The following ZBBX variants were observed in gnomAD, a reference collection of about 807,000 sequenced individuals.
ZBBX encodes zinc finger B-box domain containing.
A neutral mutation model predicts 108.5 loss-of-function variants in ZBBX; 101 were observed. The observed-to-expected ratio is 0.93, with a 90% CI of 0.79 to 1.10. ZBBX has a LOEUF of 1.10. ZBBX is among the 50% of genes least tolerant of loss of function. The pLI is 0.00. For missense variants in ZBBX, 1,009 were observed against 941.4 expected (o/e 1.07, Z -0.94); for synonymous variants, 356 against 323.4 (o/e 1.10, Z -1.08).
At chr3:167,406,608 T>C (rs898018432) in intron 1 of ZBBX, among the ~76,000 whole-genome samples, 3 of 152,174 alleles carry the variant, frequency 2.0e-5, no homozygotes, top group African/African-American at 7.2e-5. Context: ...AATAAATAAA[T>C]AGATAAAAGT....
At chr3:167,236,574 G>A (rs1390177752), downstream of ZBBX, among the ~76,000 whole-genome samples, 1 of 151,720 alleles carries the variant, frequency 6.6e-6, no homozygotes, top group Non-Finnish European at 1.5e-5. Context: ...CAGTTAGTAA[G>A]TAGTGTAATC....
the ZBBX span, among the ~76,000 whole-genome samples, chr3:167,185,925 G>A: frequency 6.6e-6 from 1 of 151,990 alleles, no homozygotes; most frequent in Non-Finnish European, 1.5e-5. Flanking sequence ...GCATTATAAA[G>A]AAGACTCCAT....
At chr3:167,200,797 A>G in the ZBBX span, among the ~76,000 whole-genome samples, 196 of 152,306 alleles carry the variant, frequency 1.3e-3, 1 homozygote, top group African/African-American at 4.5e-3. Context: ...TGTGAGGTAG[A>G]CAAAGTATGT....
At chr3:167,248,220 C>T (rs1278534729) in intron 20 of ZBBX, among the ~76,000 whole-genome samples, 1 of 152,138 alleles carries the variant, frequency 6.6e-6, no homozygotes, top group Non-Finnish European at 1.5e-5. Context: ...CCAACAGCCA[C>T]GAGTGGGTAT....
intron 20 of ZBBX, among the ~76,000 whole-genome samples, chr3:167,276,295 G>T (rs941570998): frequency 6.6e-6 from 1 of 151,472 alleles, no homozygotes; most frequent in African/African-American, 2.4e-5. Flanking sequence ...ATTACTCCGC[G>T]CTACGGGAGA....
the ZBBX span, among the ~76,000 whole-genome samples, chr3:167,195,983 C>T: frequency 6.6e-6 from 1 of 152,160 alleles, no homozygotes; most frequent in African/African-American, 2.4e-5. Context: ...TGGGGTATAT[C>T]TGAAATCAGT....
chr3:167,307,876 G>A (rs1195523285), intron 16 of ZBBX, among the ~76,000 whole-genome samples: 1 of 152,042 alleles, frequency 6.6e-6, no homozygotes, highest in Non-Finnish European at 1.5e-5. Context: ...AGACAATCTA[G>A]GCAATAACAT....
In ZBBX at chr3:167,406,084, C is replaced by A. The variant is rs1010280807; in HGVS notation, c.-446+1642G>T. 3.9e-5 allele frequency among the ~76,000 whole-genome samples: 6 copies of A among 152,036 alleles called. No individual in the cohort carries two copies. The South Asian group carries it at 6.2e-4, about 16-fold the overall frequency. ...AGTCTAAAAAAAAAATTAATAAATT[C>A]TTCCCAAATAGATTATTGTAGTTTC... On this transcript the variant is annotated intron_variant, in intron 1 of 21. Transcript: ENST00000455345.
intron 20 of ZBBX, among the ~76,000 whole-genome samples, chr3:167,254,948 G>A (rs1455673204): frequency 1.3e-5 from 2 of 151,968 alleles, no homozygotes; most frequent in African/African-American, 4.8e-5. Context: ...GAGAATCTAG[G>A]AGGCTTCAGA....
chr3:167,273,201 A>G (rs1187384499), intron 20 of ZBBX, among the ~76,000 whole-genome samples: 2 of 152,208 alleles, frequency 1.3e-5, no homozygotes, highest in African/African-American at 4.8e-5. Flanking sequence ...AGATGGTCTA[A>G]GGCAAACTTT....
intron 20 of ZBBX, among the ~76,000 whole-genome samples, chr3:167,279,722 T>G (rs1728407634): frequency 6.6e-6 from 1 of 151,882 alleles, no homozygotes; most frequent in Non-Finnish European, 1.5e-5. Flanking sequence ...ACCAATGACT[T>G]TCTTCACAGA....
intron 17 of ZBBX, among the ~76,000 whole-genome samples, chr3:167,304,461 G>C (rs1382373365): frequency 2.0e-5 from 3 of 152,174 alleles, no homozygotes. Flanking sequence ...AAGCCCATCT[G>C]AAGTGGAGCT....
At chr3:167,331,941 T>G (rs191299682) in intron 10 of ZBBX, among the ~76,000 whole-genome samples, 134 of 152,322 alleles carry the variant, frequency 8.8e-4, no homozygotes, top group Non-Finnish European at 1.5e-3. Context: ...TCCAAGGATG[T>G]GCCATTGGCT....
intron 20 of ZBBX, among the ~76,000 whole-genome samples, chr3:167,244,192 G>A (rs1274941096): frequency 6.6e-6 from 1 of 152,094 alleles, no homozygotes; most frequent in African/African-American, 2.4e-5. Flanking sequence ...CTAATCTCTG[G>A]TAGCTCACCA....
chr3:167,317,689 G>C lies in ZBBX; in HGVS notation c.984-92C>G, dbSNP rs2108297771. The C allele has an allele frequency of 2.0e-5, 15 of 736,524 alleles. No individual in the cohort carries two copies. The South Asian group carries it at 3.1e-4, about 15-fold the overall frequency. 45.6% of individuals were successfully genotyped at this position (736,524 alleles called of 1,614,324 possible). A position where few individuals can be genotyped will look rare whatever the true frequency, so the allele number is the denominator to read the frequency against. On this transcript the variant is annotated intron_variant, in intron 12 of 21. Coordinates refer to ENST00000675490, the MANE Select transcript of ZBBX (RefSeq NM_001199201.2). The stretch of plus-strand genomic sequence containing the variant: ...CTTGATTTATTTATCAAATGAATGA[G>C]TATACAAAATTAATGATGAAACCGT...
At chr3:167,292,904 A>G (rs1370975273) in intron 18 of ZBBX, among the ~76,000 whole-genome samples, 1 of 152,244 alleles carries the variant, frequency 6.6e-6, no homozygotes, top group Non-Finnish European at 1.5e-5. Context: ...AACTACCATC[A>G]GAGAATACTA....
Position 167,330,537 on chromosome 3 carries a change from T to C in ZBBX, c.688-2421A>G, listed in dbSNP as rs188807100. On this transcript the variant is annotated intron_variant, in intron 10 of 21. Transcript: ENST00000675490. ...TGAGATAGGGCCTATAAGGAGGTAA[T>C]TGAGGTTAAATGAGATTATGAAGTT... 3.6e-3 allele frequency among the ~76,000 whole-genome samples: 550 copies of C among 151,948 alleles called. 2 individuals carry two copies. The highest frequency in any genetic ancestry group is 6.2e-3 in the Non-Finnish European group (421 of 67,956).
chr3:167,366,397 T>G (rs1745314857), intron 5 of ZBBX, among the ~76,000 whole-genome samples: 1 of 151,836 alleles, frequency 6.6e-6, no homozygotes, highest in African/African-American at 2.4e-5. Context: ...AATTCCTTGT[T>G]AAAACCTCTA....
the ZBBX span, among the ~76,000 whole-genome samples, chr3:167,218,989 C>CA: frequency 1.8e-4 from 27 of 151,084 alleles, no homozygotes; most frequent in East Asian, 9.8e-4. Flanking sequence ...ATACTTGTAT[C>CA]AAAAAAAAAA....
Sources: allele counts gnomAD v4.1 joint callset (sites outside exome capture counted in the v4.1 genomes callset), GRCh38; gene constraint gnomAD v4.1.1; transcripts MANE v1.5; gene names NCBI Gene and HGNC (gene_info 2026-07-23, HGNC 2026-07-21).